DCDC1: variants seen among roughly 807,000 people sequenced by gnomAD.
The protein encoded by DCDC1 is doublecortin domain-containing protein 1.
DCDC1 carries 200 observed loss-of-function variants against 178.3 expected under a neutral mutation model. That is an observed-to-expected ratio of 1.12 (90% CI 1.00 to 1.26). The LOEUF (loss-of-function observed/expected upper bound fraction) is 1.26. Ranked by LOEUF, DCDC1 falls within the 50% of genes most tolerant of loss-of-function variation. The probability of loss-of-function intolerance (pLI) is 0.00; values close to 1 mark genes in which losing one functional copy is unlikely to be tolerated. For synonymous variants in DCDC1, 690 were observed against 604.8 expected, an observed-to-expected ratio of 1.14 and a Z score of -2.07; for missense variants, 1,983 against 1,749.2, an observed-to-expected ratio of 1.13 and a Z score of -2.38.
intron 13 of DCDC1, among the ~76,000 whole-genome samples, chr11:31,105,615 C>A (rs1023908355): frequency 5.3e-5 from 8 of 151,718 alleles, no homozygotes; most frequent in Non-Finnish European, 1.0e-4. Context: ...TATCTATGGA[C>A]AAAAACTTAC....
intron 8 of DCDC1, among the ~76,000 whole-genome samples, chr11:31,261,474 A>ATTTT (rs1944779325): frequency 6.6e-6 from 1 of 152,200 alleles, no homozygotes; most frequent in Non-Finnish European, 1.5e-5. Context: ...AGTATGAATG[A>ATTTT]AAAACATTTT....
At position 31,290,813 on chromosome 11, in the gene DCDC1, T is replaced by A; in HGVS notation, c.794A>T (p.Asn265Ile). The change falls in exon 7 of 39, where the codon AAT becomes ATT. Residue 265 changes from asparagine (N) to isoleucine (I), a missense_variant. Asn to Ile is a moderately radical substitution (Grantham distance 149). Coordinates refer to ENST00000684477, the MANE Select transcript of DCDC1 (RefSeq NM_001387274.1). ...GATATCAGTAGGAAGCATCAACCCATTCATTGTCCAAGTTACTTTCTTAAT... is the reference window on the plus strand; with the variant it reads ...GATATCAGTAGGAAGCATCAACCCAATCATTGTCCAAGTTACTTTCTTAAT... Reference protein sequence around the residue: ...LLIKKVTWTMNGLMLPTDIKR... With the variant: ...LLIKKVTWTMIGLMLPTDIKR... The A allele has an allele frequency of 6.2e-7, 1 of 1,613,152 alleles. No homozygotes were observed. The highest frequency in any genetic ancestry group is 8.5e-7 in the Non-Finnish European group (1 of 1,179,410).
intron 20 of DCDC1, among the ~76,000 whole-genome samples, chr11:31,015,107 C>T (rs559118416): frequency 2.2e-4 from 34 of 152,040 alleles, no homozygotes; most frequent in Non-Finnish European, 4.0e-4. Flanking sequence ...CCACCATGCC[C>T]GGCTAATTTT....
chr11:30,920,741 G>A (rs752526114), intron 25 of DCDC1, 35 bp downstream of exon 25: 2 of 1,607,466 alleles, frequency 1.2e-6, no homozygotes, highest in African/African-American at 2.7e-5. Context: ...TCAAAAAGCA[G>A]CCAGGTAGCT....
intron 11 of DCDC1, among the ~76,000 whole-genome samples, chr11:31,110,568 A>C (rs1959140127): frequency 6.6e-6 from 1 of 152,160 alleles, no homozygotes. Flanking sequence ...AACAGCACTA[A>C]AAGAAAAGAA....
At chr11:31,203,105 G>T (rs909760784) in intron 9 of DCDC1, among the ~76,000 whole-genome samples, 1 of 152,072 alleles carries the variant, frequency 6.6e-6, no homozygotes, top group African/African-American at 2.4e-5. Context: ...CGATGAGACT[G>T]CAAACCAAAA....
chr11:30,979,437 A>G (rs1046366446), intron 20 of DCDC1, among the ~76,000 whole-genome samples: 1 of 152,208 alleles, frequency 6.6e-6, no homozygotes, highest in African/African-American at 2.4e-5. Flanking sequence ...ACCTTTAAAT[A>G]CAGTGAAATA....
intron 7 of DCDC1, among the ~76,000 whole-genome samples, chr11:31,272,109 C>T (rs1945603922): frequency 6.6e-6 from 1 of 150,872 alleles, no homozygotes. Flanking sequence ...CTGCAGTGAG[C>T]CGAGATCGTG....
rs115476499 is a variant in DCDC1 at position 31,326,446 on chromosome 11, G to A, written c.164+1671C>T. On this transcript the variant is annotated intron_variant, in intron 3 of 38. Coordinates refer to ENST00000684477, the MANE Select transcript of DCDC1 (RefSeq NM_001387274.1). ...GTGAATGTATCACCATTTTGAAGTAGAAAATTGGAAATAAATATTAAAGGC... is the reference window on the plus strand; with the variant it reads ...GTGAATGTATCACCATTTTGAAGTAAAAAATTGGAAATAAATATTAAAGGC... Among the ~76,000 whole-genome samples, 405 of 152,188 alleles carry A rather than the reference G, an allele frequency of 2.7e-3. 2 individuals are homozygous for A. Among genetic ancestry groups the A allele is most frequent in the African/African-American group, 9.3e-3 (385 of 41,550 alleles).
chr11:31,062,025 C>A (rs1261750460), intron 20 of DCDC1, among the ~76,000 whole-genome samples: 2 of 151,998 alleles, frequency 1.3e-5, no homozygotes, highest in African/African-American at 4.8e-5. Flanking sequence ...GTGCCCTATA[C>A]CCTTAGAGAA....
At chr11:31,007,664 T>C (rs1476051089) in intron 20 of DCDC1, among the ~76,000 whole-genome samples, 1 of 151,550 alleles carries the variant, frequency 6.6e-6, no homozygotes, top group East Asian at 1.9e-4. Context: ...AAAATAGGCT[T>C]TTTTTTTCTT....
At chr11:31,158,125 T>C (rs1367556176) in intron 9 of DCDC1, among the ~76,000 whole-genome samples, 1 of 152,160 alleles carries the variant, frequency 6.6e-6, no homozygotes, top group Non-Finnish European at 1.5e-5. Flanking sequence ...TTTTTTGTTT[T>C]TGAGACGGAG....
At chr11:30,962,647 A>G (rs1386440678) in intron 20 of DCDC1, among the ~76,000 whole-genome samples, 3 of 152,066 alleles carry the variant, frequency 2.0e-5, no homozygotes, top group Non-Finnish European at 4.4e-5. Context: ...TGCCAGTAGT[A>G]CATATATATT....
At chr11:31,235,517 G>C (rs1976341864) in intron 9 of DCDC1, among the ~76,000 whole-genome samples, 1 of 151,658 alleles carries the variant, frequency 6.6e-6, no homozygotes, top group Non-Finnish European at 1.5e-5. Flanking sequence ...TTTCTATTCA[G>C]TCACAAGTAC....
intron 1 of DCDC1, among the ~76,000 whole-genome samples, chr11:31,340,211 G>A (rs1044755905): frequency 7.0e-6 from 1 of 143,020 alleles, no homozygotes; most frequent in African/African-American, 2.6e-5. Flanking sequence ...TTAAATTGCT[G>A]GATTTCCCAG....
intron 8 of DCDC1, among the ~76,000 whole-genome samples, chr11:31,243,100 TATAAC>T (rs1272685808): frequency 1.3e-5 from 2 of 151,754 alleles, no homozygotes; most frequent in African/African-American, 2.4e-5. Flanking sequence ...TTCTAAGTCT[TATAAC>T]AAACAACTCA....
chr11:31,075,314 C>T (rs113032502), intron 18 of DCDC1, among the ~76,000 whole-genome samples: 1,958 of 152,134 alleles, frequency 0.013, 49 homozygotes, highest in African/African-American at 0.044. Flanking sequence ...TAGGTTGATT[C>T]CCTATCTTTG....
chr11:31,366,817 T>C (rs900413323), intron 1 of DCDC1, among the ~76,000 whole-genome samples: 5 of 152,154 alleles, frequency 3.3e-5, no homozygotes, highest in Admixed American at 6.5e-5. Context: ...GGGGTTTATA[T>C]AACAGGGAAG....
At chr11:30,922,750 G>GACA in intron 23 of DCDC1, 112 bp from the exon 24 acceptor site, 6 of 1,081,458 alleles carry the variant, frequency 5.5e-6, no homozygotes, top group South Asian at 2.5e-5. Context: ...AATATAATAG[G>GACA]TGAATGATTA....
Sources: gnomAD v4.1 joint callset for allele counts (sites outside exome capture counted in the v4.1 genomes callset) on GRCh38, gnomAD v4.1.1 for gene constraint, MANE v1.5 for transcripts, NCBI Gene and HGNC (gene_info 2026-07-23, HGNC 2026-07-21) for gene names.